NEGR1: variants seen among roughly 807,000 people sequenced by gnomAD.
NEGR1 encodes neuronal growth regulator 1, also known as IgLON family member 4.
NEGR1 carries 10 observed loss-of-function variants against 40.9 expected under a neutral mutation model. That is an observed-to-expected ratio of 0.24 (90% confidence interval 0.15 to 0.42). The LOEUF (loss-of-function observed/expected upper bound fraction) is 0.42, where lower values mean the gene tolerates loss of function less well. NEGR1 is among the 10% of genes least tolerant of loss of function. NEGR1 has a pLI of 1.00. For missense variants in NEGR1, 352 were observed against 438.9 expected (o/e 0.80, Z 1.77); for synonymous variants, 185 against 166.8 (o/e 1.11, Z -0.84).
chr1:71,482,792 TC>T (rs1252139091), intron 6 of NEGR1, among the ~76,000 whole-genome samples: 2 of 151,834 alleles, frequency 1.3e-5, no homozygotes, highest in East Asian at 1.9e-4. Flanking sequence ...TTCATTAGCA[TC>T]AAATGTGCAT....
chr1:72,048,538 AG>A (rs947249649), intron 1 of NEGR1, among the ~76,000 whole-genome samples: 36 of 151,704 alleles, frequency 2.4e-4, no homozygotes, highest in African/African-American at 7.5e-4. Flanking sequence ...TTTCCCCAAA[AG>A]GGAACCACTA....
At chr1:72,173,326 A>T (rs941480675) in intron 1 of NEGR1, among the ~76,000 whole-genome samples, 7 of 148,964 alleles carry the variant, frequency 4.7e-5, no homozygotes, top group African/African-American at 1.7e-4. Flanking sequence ...AATTGTTAGC[A>T]ATCTTATTTT....
intron 2 of NEGR1, among the ~76,000 whole-genome samples, chr1:71,855,817 A>G (rs971238218): frequency 2.0e-5 from 3 of 152,004 alleles, no homozygotes; most frequent in Admixed American, 2.0e-4. Context: ...CTATTAGGAA[A>G]GGTTGAATTT....
chr1:72,145,974 T>C (rs187393010), intron 1 of NEGR1, among the ~76,000 whole-genome samples: 34 of 151,892 alleles, frequency 2.2e-4, no homozygotes, highest in African/African-American at 7.5e-4. Flanking sequence ...AAGGACATTA[T>C]TGAGCAGCAT....
chr1:71,791,210 A>T (rs570530210), intron 2 of NEGR1, among the ~76,000 whole-genome samples: 1 of 152,232 alleles, frequency 6.6e-6, no homozygotes, highest in African/African-American at 2.4e-5. Context: ...TGTGAGTTGA[A>T]TTTTAAGCAT....
In NEGR1 at chr1:71,667,809, C is replaced by T. The variant is rs780874933; in HGVS notation, c.667+30199G>A. ...TTGTGAGTGTGGGCAAGCTATTTAA[C>T]TCCTAGTGTCAGTTTCTCACTTGTA... On this transcript the variant is annotated intron_variant, in intron 4 of 6. Coordinates refer to ENST00000357731, the MANE Select transcript of NEGR1 (RefSeq NM_173808.3). Among the ~76,000 whole-genome samples, 19 of 152,242 alleles carry T rather than the reference C, an allele frequency of 1.2e-4. No individual in the cohort carries two copies. In the Middle Eastern group the frequency reaches 0.01, roughly 82 times the overall value.
rs890953719 is a variant in NEGR1 at position 71,653,480 on chromosome 1, G to T, written c.668-42334C>A. ...TCTTTTTCCACCTCATTCTTTTTAC[G>T]TTGCTTGCTTATTTCTTTGTATTAG... On this transcript the variant is annotated intron_variant, in intron 4 of 6. Transcript: ENST00000357731. Among the ~76,000 whole-genome samples the T allele has an allele frequency of 2.0e-5, 3 of 151,792 alleles. No homozygotes were observed. In the East Asian group the frequency reaches 5.8e-4, roughly 29 times the overall value.
chr1:71,973,739 T>G (rs2100323670), intron 1 of NEGR1, among the ~76,000 whole-genome samples: 1 of 152,248 alleles, frequency 6.6e-6, no homozygotes, highest in African/African-American at 2.4e-5. Context: ...CTTCCACCTT[T>G]ATTTGGAAGC....
At chr1:72,132,350 GGGAGCAGGCAAGGATATCTTCTAACAA>G (rs2100315943) in intron 1 of NEGR1, among the ~76,000 whole-genome samples, 1 of 152,258 alleles carries the variant, frequency 6.6e-6, no homozygotes, top group East Asian at 1.9e-4. Flanking sequence ...TCAGAAAAAA[GGGAGCAGGCAAGGATATCTTCTAACAA>G]GTTCAGGAGG....
intron 6 of NEGR1, among the ~76,000 whole-genome samples, chr1:71,451,462 T>A (rs1172859897): frequency 6.6e-6 from 1 of 151,542 alleles, no homozygotes; most frequent in African/African-American, 2.4e-5. Flanking sequence ...GCCTCCCGAG[T>A]AGCTGGGATT....
At chr1:72,170,187 T>G (rs1409225272) in intron 1 of NEGR1, among the ~76,000 whole-genome samples, 4 of 152,222 alleles carry the variant, frequency 2.6e-5, no homozygotes, top group Admixed American at 6.5e-5. Flanking sequence ...CTCAAATATT[T>G]TTTGAATGAA....
intron 6 of NEGR1, among the ~76,000 whole-genome samples, chr1:71,583,002 C>T (rs964586449): frequency 1.3e-5 from 2 of 152,038 alleles, no homozygotes; most frequent in African/African-American, 2.4e-5. Context: ...TGTTTGGTTC[C>T]GTTCTGAATC....
intron 6 of NEGR1, among the ~76,000 whole-genome samples, chr1:71,475,484 A>G (rs1646813520): frequency 1.3e-5 from 2 of 152,038 alleles, no homozygotes; most frequent in Non-Finnish European, 2.9e-5. Context: ...TTGTACGCTA[A>G]CAATATGTAA....
chr1:71,779,475 T>C (rs1656623184), intron 2 of NEGR1, among the ~76,000 whole-genome samples: 1 of 152,158 alleles, frequency 6.6e-6, no homozygotes, highest in Non-Finnish European at 1.5e-5. Context: ...TCAGTAGACA[T>C]TAATTTTGTG....
chr1:72,194,427 C>T (rs986506155), intron 1 of NEGR1, among the ~76,000 whole-genome samples: 14 of 151,910 alleles, frequency 9.2e-5, no homozygotes, highest in Non-Finnish European at 1.8e-4. Flanking sequence ...CAGGAAGTAA[C>T]CGCTGTTAGA....
chr1:71,992,594 TG>T (rs2100361631), intron 1 of NEGR1, among the ~76,000 whole-genome samples: 1 of 152,354 alleles, frequency 6.6e-6, no homozygotes, highest in East Asian at 1.9e-4. Context: ...TGAGGTATTA[TG>T]GAACCCTTTT....
chr1:72,114,433 C>T (rs535453920), intron 1 of NEGR1, among the ~76,000 whole-genome samples: 5 of 151,692 alleles, frequency 3.3e-5, no homozygotes, highest in South Asian at 2.1e-4. Context: ...TAAAATAAAT[C>T]GTTATCTCTC....
At chr1:72,116,050 T>C (rs1649567083) in intron 1 of NEGR1, among the ~76,000 whole-genome samples, 1 of 151,702 alleles carries the variant, frequency 6.6e-6, no homozygotes, top group Non-Finnish European at 1.5e-5. Context: ...AAGGTGAATA[T>C]TATGTCAGCA....
chr1:71,988,906 T>G (rs974891416), intron 1 of NEGR1, among the ~76,000 whole-genome samples: 12 of 123,068 alleles, frequency 9.8e-5, no homozygotes, highest in African/African-American at 4.3e-4. Context: ...GGCAATGAGC[T>G]CTATCATATT....
Sources: allele counts gnomAD v4.1 joint callset (sites outside exome capture counted in the v4.1 genomes callset), GRCh38; gene constraint gnomAD v4.1.1; transcripts MANE v1.5; gene names NCBI Gene and HGNC (gene_info 2026-07-23, HGNC 2026-07-21).